DRG2: variants seen among roughly 807,000 people sequenced by gnomAD.
The protein encoded by DRG2 is developmentally regulated GTP binding protein 2.
Under a neutral mutation model 53.4 loss-of-function variants are expected in DRG2, and 36 were observed. That is an observed-to-expected ratio of 0.67 (90% CI 0.52 to 0.89). The LOEUF (loss-of-function observed/expected upper bound fraction) is 0.89. Ranked by LOEUF, DRG2 falls within the 40% of genes least tolerant of loss-of-function variation. The pLI, the probability that DRG2 is intolerant of heterozygous loss-of-function variation, is 0.00. For missense variants in DRG2, 342 were observed against 481.2 expected, an observed-to-expected ratio of 0.71 and a Z score of 2.71; for synonymous variants, 167 against 192.1, an observed-to-expected ratio of 0.87 and a Z score of 1.08.
chr17:18,105,002 C>T (rs764919588), intron 11 of DRG2, among the ~76,000 whole-genome samples: 51 of 152,184 alleles, frequency 3.4e-4, no homozygotes, highest in Non-Finnish European at 1.9e-4. Flanking sequence ...ACCCTGCTTC[C>T]ATGCCATTCA....
chr17:18,100,845 A>G lies in DRG2; in HGVS notation c.631+186A>G, dbSNP rs892998205. Among the ~76,000 whole-genome samples the G allele has an allele frequency of 1.3e-5, 2 of 152,126 alleles. No individual in the cohort carries two copies. The highest frequency in any genetic ancestry group is 4.8e-5 in the African/African-American group (2 of 41,422). Reference sequence around the variant, plus strand: ...CAGGTCTGCAGCCGTGCACTTGACAATGGCTTCCTGGCTCCTCACCAAGTA... The same window carrying G: ...CAGGTCTGCAGCCGTGCACTTGACAGTGGCTTCCTGGCTCCTCACCAAGTA... On this transcript the variant is annotated intron_variant, in intron 7 of 12. Transcript: ENST00000225729. The surrounding 1 kb of genome is among the most constrained non-coding windows in gnomAD (Gnocchi z 4.1).
intron 7 of DRG2, 132 bp from the exon 8 acceptor site, chr17:18,101,361 C>A: frequency 1.3e-6 from 1 of 751,414 alleles, no homozygotes; most frequent in Non-Finnish European, 2.2e-6. Flanking sequence ...TACAATCTTG[C>A]AAAACCTCAC....
At chr17:18,094,757 C>G (rs1320439622) in intron 2 of DRG2, among the ~76,000 whole-genome samples, 2 of 151,880 alleles carry the variant, frequency 1.3e-5, no homozygotes, top group Non-Finnish European at 2.9e-5. Flanking sequence ...GGTGGATCAC[C>G]TGAGGTTGGG....
chr17:18,106,409 A>G (rs1597732840), intron 11 of DRG2, 24 bp from the exon 12 acceptor site: 2 of 1,613,832 alleles, frequency 1.2e-6, no homozygotes, highest in South Asian at 1.1e-5. Context: ...TCACCTCTCT[A>G]CCTGACTCTC....
At chr17:18,105,678 A>G (rs2045615872) in intron 11 of DRG2, 1 of 152,268 alleles carries the variant, frequency 6.6e-6, no homozygotes, top group Non-Finnish European at 1.5e-5. Context: ...CCACCTTCCC[A>G]TCTGTGTCAA....
At position 18,098,366 on chromosome 17, in the gene DRG2, G is replaced by A. The variant is rs1035040167; in HGVS notation, c.315+7G>A. On this transcript the variant is annotated splice_region_variant and intron_variant, in intron 3 of 12. Coordinates refer to ENST00000225729, the MANE Select transcript of DRG2 (RefSeq NM_001388.5). This position sits in a 1 kb window ranked among gnomAD's most constrained non-coding sequence, Gnocchi z 4.1. ...TATTCCTGGGGTCATTGAAGTAAGT[G>A]GGTGTGCTGGGCCCAGAAGGAGAAG... 6.2e-7 allele frequency: 1 copy of A among 1,603,280 alleles called. No individual in the cohort carries two copies. The highest frequency in any genetic ancestry group is 8.5e-7 in the Non-Finnish European group (1 of 1,170,358).
chr17:18,106,499 G>A lies in DRG2; in HGVS notation c.1008+13G>A. The A allele has an allele frequency of 1.2e-6, 2 of 1,613,818 alleles. No homozygotes were observed. Among genetic ancestry groups the A allele is most frequent in the Non-Finnish European group, 1.7e-6 (2 of 1,179,844 alleles). On this transcript the variant is annotated intron_variant, in intron 12 of 12. Transcript: ENST00000225729. ...CGCCCTGGTGTGGGTGAGTCTCTGG[G>A]TGGAAAGCAACCAGGGGGGTAGACC...
At position 18,107,177 on chromosome 17, in the gene DRG2, G is replaced by A. The variant is rs182117105; in HGVS notation, c.1032G>A (p.Pro344=). 38 of 1,613,378 alleles carry A rather than the reference G, an allele frequency of 2.4e-5. 1 individual carries two copies. The highest frequency in any genetic ancestry group is 2.3e-4 in the South Asian group (21 of 91,082). ...LVWGTSTKYS[P]QRVGLTHTME... is the part of the protein sequence containing the mutation. ...AGGGCACCAGCACCAAGTACAGTCC[G>A]CAGCGGGTGGGCCTGACCCACACCA... The change falls in exon 13 of 13, where the codon CCG becomes CCA. Residue 344 remains proline, a synonymous_variant. Transcript: ENST00000225729.
intron 12 of DRG2, among the ~76,000 whole-genome samples, 180 bp from the exon 13 acceptor site, chr17:18,106,974 C>T (rs1438511127): frequency 6.6e-6 from 1 of 152,196 alleles, no homozygotes; most frequent in Non-Finnish European, 1.5e-5. Context: ...AGCCACTGTG[C>T]CTGGCCCTCC....
chr17:18,105,251 TGC>T (rs1597731354), intron 11 of DRG2, among the ~76,000 whole-genome samples: 2 of 152,260 alleles, frequency 1.3e-5, no homozygotes, highest in East Asian at 1.9e-4. Context: ...AACATGACCC[TGC>T]AGGCACAGAT....
At position 18,107,427 on chromosome 17, in the gene DRG2, G is replaced by A. The variant is rs141688072; in HGVS notation, c.*187G>A. On this transcript the variant is annotated 3_prime_UTR_variant, in exon 13 of 13. Transcript: ENST00000225729. ...AGAGTGTGTTGGGGCAAAGGGGCTC[G>A]GTTGGAGGCATTTCCCATAAGACTG... is the stretch of plus-strand genomic sequence containing the variant. The A allele has an allele frequency of 4.8e-5, 30 of 625,748 alleles. No homozygotes were observed. Among genetic ancestry groups the A allele is most frequent in the African/African-American group, 4.6e-4 (25 of 54,510 alleles). The allele number at this position is 625,748 out of a possible 1,614,324, so 38.8% of individuals were successfully genotyped here.
At position 18,100,232 on chromosome 17, in the gene DRG2, C is replaced by T. The variant is rs2045505619; in HGVS notation, c.468-131C>T. ...CTAGGGCATTGGGAAGGAGTGTTCT[C>T]TGGGTTGCTGGGGAAGGGGGTGGAG... is the stretch of plus-strand genomic sequence containing the variant. On this transcript the variant is annotated intron_variant, in intron 5 of 12. Transcript: ENST00000225729. This position sits in a 1 kb window ranked among gnomAD's most constrained non-coding sequence, Gnocchi z 4.1. 6 of 910,780 alleles carry T rather than the reference C, an allele frequency of 6.6e-6. No individual in the cohort carries two copies. The highest frequency in any genetic ancestry group is 1.1e-5 in the Non-Finnish European group (6 of 557,208). The allele number at this position is 910,780 out of a possible 1,614,324, so 56.4% of individuals were successfully genotyped here.
At chr17:18,093,046 C>T (rs1242488114) in intron 1 of DRG2, among the ~76,000 whole-genome samples, 2 of 152,176 alleles carry the variant, frequency 1.3e-5, no homozygotes, top group East Asian at 3.8e-4. Flanking sequence ...CTAGGCCTGG[C>T]GATCCTAACC....
intron 8 of DRG2, 87 bp downstream of exon 8, chr17:18,101,677 C>A: frequency 1.5e-6 from 2 of 1,359,968 alleles, no homozygotes; most frequent in Non-Finnish European, 2.1e-6. Context: ...GTGAGAGAAG[C>A]AGAAAGAGTC....
Position 18,089,861 on chromosome 17 carries a change from GGAGGGGGT to G in DRG2, c.64+1775_64+1782del, listed in dbSNP as rs558732380. Among the ~76,000 whole-genome samples the G allele has an allele frequency of 1.1e-3, 162 of 152,310 alleles. No individual in the cohort carries two copies. The Middle Eastern group carries it at 0.017, about 16-fold the overall frequency. ...GGGGCTGGGGTGCAGTGATGGGACA[GGAGGGGGT>G]TGATCATGCAGAGCCATAGGTCATG... On this transcript the variant is annotated intron_variant, in intron 1 of 12. Transcript: ENST00000225729.
At chr17:18,090,406 A>ATATTTTT (rs1555532983) in intron 1 of DRG2, among the ~76,000 whole-genome samples, 9 of 22,690 alleles carry the variant, frequency 4.0e-4, no homozygotes, top group Non-Finnish European at 6.6e-4. Context: ...ATATATATAT[A>ATATTTTT]TTTTTTTTTT....
At chr17:18,092,820 G>A (rs966481154) in intron 1 of DRG2, among the ~76,000 whole-genome samples, 2 of 152,182 alleles carry the variant, frequency 1.3e-5, no homozygotes, top group East Asian at 1.9e-4. Context: ...TGACAGCCAC[G>A]ATGCAGGTGT....
chr17:18,089,246 C>A (rs2045269859), intron 1 of DRG2, among the ~76,000 whole-genome samples: 2 of 152,228 alleles, frequency 1.3e-5, no homozygotes, highest in Admixed American at 1.3e-4. Flanking sequence ...TCAAGCGATT[C>A]TCCTGCCTCA....
At chr17:18,106,518 G>C in intron 12 of DRG2, 32 bp downstream of exon 12, 1 of 1,613,192 alleles carries the variant, frequency 6.2e-7, no homozygotes, top group South Asian at 1.1e-5. Context: ...AACCAGGGGG[G>C]TAGACCCAGG....
Sources: allele counts gnomAD v4.1 joint callset (sites outside exome capture counted in the v4.1 genomes callset), GRCh38; gene constraint gnomAD v4.1.1; non-coding constraint Gnocchi (gnomAD v3.1); transcripts MANE v1.5; gene names NCBI Gene and HGNC (gene_info 2026-07-23, HGNC 2026-07-21).